Variants in NOVA1 observed in about 807,000 individuals in gnomAD.
NOVA1 encodes the protein RNA-binding protein Nova-1.
A neutral mutation model predicts 38.0 loss-of-function variants in NOVA1; 7 were observed. That is an observed-to-expected ratio of 0.18 (90% CI 0.10 to 0.35). NOVA1 has a LOEUF of 0.35. NOVA1 is among the 10% of genes least tolerant of loss of function. The probability of loss-of-function intolerance (pLI) is 1.00; values close to 1 mark genes in which losing one functional copy is unlikely to be tolerated. For missense variants in NOVA1, 460 were observed against 616.0 expected (o/e 0.75, Z 2.68); for synonymous variants, 270 against 232.5 (o/e 1.16, Z -1.47).
intron 2 of NOVA1, among the ~76,000 whole-genome samples, chr14:26,574,023 CTTTTT>C (rs780944723): frequency 1.7e-5 from 2 of 121,086 alleles, no homozygotes. Context: ...AAAGATTACA[CTTTTT>C]TTTTTTTTTT....
At chr14:26,532,159 T>C (rs901038222) in intron 2 of NOVA1, among the ~76,000 whole-genome samples, 1 of 152,200 alleles carries the variant, frequency 6.6e-6, no homozygotes, top group Non-Finnish European at 1.5e-5. Context: ...GAATATTCCA[T>C]ATGACTCAGA....
At chr14:26,596,712 C>G in intron 1 of NOVA1, 1 of 1,285,728 alleles carries the variant, frequency 7.8e-7, no homozygotes, top group Non-Finnish European at 1.0e-6. Context: ...CCCCCACCCT[C>G]GTATGCACCC....
Position 26,448,802 on chromosome 14 carries a change from A to C in NOVA1, c.681T>G (p.Pro227=). Residue 227 remains proline (P), a synonymous_variant, in exon 5 of 5, where the codon CCT becomes CCG. Coordinates refer to ENST00000539517, the MANE Select transcript of NOVA1 (RefSeq NM_002515.3). The surrounding 1 kb of genome is among the most constrained non-coding windows in gnomAD (Gnocchi z 5.3). ...QERVVTVSGE[P]EQNRKAVELI... ...GTTCAACAGCTTTTCGGTTTTGTTC[A>C]GGTTCTCCACTCACAGTGACAACCC... 6.2e-7 allele frequency: 1 copy of C among 1,614,122 alleles called. No individual in the cohort carries two copies. Among genetic ancestry groups the C allele is most frequent in the South Asian group, 1.1e-5 (1 of 91,080 alleles).
Position 26,508,555 on chromosome 14 carries a change from T to TACAC in NOVA1, c.281-28416_281-28413dup, listed in dbSNP as rs34063277. Among the ~76,000 whole-genome samples the TACAC allele has an allele frequency of 6.5e-3, 962 of 149,024 alleles. 5 individuals are homozygous for TACAC. Among genetic ancestry groups the TACAC allele is most frequent in the South Asian group, 0.019 (89 of 4,700 alleles). ...CCAAGAGAAATTTTTCACATGTACATACACACACACACACACACACACCAT... is the reference window on the plus strand; with the variant it reads ...CCAAGAGAAATTTTTCACATGTACATACACACACACACACACACACACACACCAT... On this transcript the variant is annotated intron_variant, in intron 2 of 4. Transcript: ENST00000539517.
At chr14:26,482,359 G>T (rs1566463868) in intron 2 of NOVA1, among the ~76,000 whole-genome samples, 1 of 152,226 alleles carries the variant, frequency 6.6e-6, no homozygotes, top group East Asian at 1.9e-4. Flanking sequence ...ATCCTCAGAA[G>T]AGATGCTATC....
chr14:26,573,685 G>A (rs1014220740), intron 2 of NOVA1, among the ~76,000 whole-genome samples: 1 of 152,122 alleles, frequency 6.6e-6, no homozygotes, highest in African/African-American at 2.4e-5. Flanking sequence ...CCTTAAAGAT[G>A]ACCTAAATAA....
intron 4 of NOVA1, among the ~76,000 whole-genome samples, chr14:26,459,294 T>C (rs916900930): frequency 2.0e-5 from 3 of 152,148 alleles, no homozygotes; most frequent in Non-Finnish European, 4.4e-5. Context: ...TTTTGATACA[T>C]TTAGATATAC....
At chr14:26,472,522 A>C (rs1884667512) in intron 3 of NOVA1, 131 bp from the exon 4 acceptor site, 6 of 438,774 alleles carry the variant, frequency 1.4e-5, no homozygotes, top group Middle Eastern at 1.2e-3. Context: ...TCTCCTATTC[A>C]TTTGAATTTA....
At chr14:26,597,227 G>C in intron 1 of NOVA1, 74 bp downstream of exon 1, 1 of 1,131,578 alleles carries the variant, frequency 8.8e-7, no homozygotes, top group Non-Finnish European at 1.1e-6. Context: ...AGGAGGGAGG[G>C]AGGACGGCGA....
intron 2 of NOVA1, among the ~76,000 whole-genome samples, chr14:26,576,367 G>A (rs947033997): frequency 1.3e-5 from 2 of 151,198 alleles, no homozygotes; most frequent in South Asian, 2.1e-4. Context: ...GATTATAAAT[G>A]AACTCTATCA....
chr14:26,536,528 A>T (rs1890110334), intron 2 of NOVA1, among the ~76,000 whole-genome samples: 1 of 152,016 alleles, frequency 6.6e-6, no homozygotes, highest in East Asian at 1.9e-4. Context: ...ATTAAAAAAA[A>T]TTTAAAAAGA....
At chr14:26,517,612 C>A (rs1888566922) in intron 2 of NOVA1, among the ~76,000 whole-genome samples, 1 of 152,026 alleles carries the variant, frequency 6.6e-6, no homozygotes, top group Non-Finnish European at 1.5e-5. Flanking sequence ...ACTAAATGGA[C>A]TATGTACTTT....
At chr14:26,528,424 G>A (rs1278252750) in intron 2 of NOVA1, among the ~76,000 whole-genome samples, 1 of 152,020 alleles carries the variant, frequency 6.6e-6, no homozygotes, top group East Asian at 1.9e-4. Flanking sequence ...AGCCATGTAG[G>A]GCCAACTCCA....
chr14:26,586,521 A>C (rs912936951), intron 2 of NOVA1, among the ~76,000 whole-genome samples: 5 of 151,312 alleles, frequency 3.3e-5, no homozygotes, highest in African/African-American at 1.2e-4. Flanking sequence ...AAAAACATGA[A>C]AAATACATAT....
In NOVA1 at chr14:26,512,150, C is replaced by T. The variant is rs867763114; in HGVS notation, c.281-32007G>A. On this transcript the variant is annotated intron_variant, in intron 2 of 4. Coordinates refer to ENST00000539517, the MANE Select transcript of NOVA1 (RefSeq NM_002515.3). ...TGCTTGAATAAGAGTATATATTTTG[C>T]TTTAAATCTGTCTCACTGAAAAGCT... Among the ~76,000 whole-genome samples the T allele has an allele frequency of 4.4e-4, 67 of 152,168 alleles. 2 individuals are homozygous for T. Among genetic ancestry groups the T allele is most frequent in the South Asian group, 8.3e-4 (4 of 4,824 alleles).
At position 26,558,632 on chromosome 14, in the gene NOVA1, T is replaced by A. The variant is rs1891635431; in HGVS notation, c.280+36778A>T. On this transcript the variant is annotated intron_variant, in intron 2 of 4. Coordinates refer to ENST00000539517, the MANE Select transcript of NOVA1 (RefSeq NM_002515.3). ...CTGTTTTCTCAGTAATAGTCAATAATCCATGACATACTCTATGACAAACTA... is the reference window on the plus strand; with the variant it reads ...CTGTTTTCTCAGTAATAGTCAATAAACCATGACATACTCTATGACAAACTA... Among the ~76,000 whole-genome samples the A allele has an allele frequency of 2.0e-5, 3 of 152,064 alleles. No individual in the cohort carries two copies. In the South Asian group the frequency reaches 6.2e-4, roughly 32 times the overall value.
At chr14:26,481,988 TAAAAAA>T (rs372806170) in intron 2 of NOVA1, among the ~76,000 whole-genome samples, 5 of 105,962 alleles carry the variant, frequency 4.7e-5, no homozygotes, top group African/African-American at 1.5e-4. Context: ...TAGATAGAGA[TAAAAAA>T]AAAAAAAAAA....
intron 2 of NOVA1, among the ~76,000 whole-genome samples, chr14:26,554,283 G>A (rs1891348284): frequency 6.6e-6 from 1 of 151,952 alleles, no homozygotes; most frequent in African/African-American, 2.4e-5. Context: ...ACTTACATAA[G>A]AAAGCCTTTT....
chr14:26,570,767 T>C, intron 2 of NOVA1, among the ~76,000 whole-genome samples: 1 of 152,156 alleles, frequency 6.6e-6, no homozygotes. Flanking sequence ...AATACTGTAA[T>C]ATGCTGAAGC....
Sources: gnomAD v4.1 joint callset for allele counts (sites outside exome capture counted in the v4.1 genomes callset) on GRCh38, gnomAD v4.1.1 for gene constraint, Gnocchi (gnomAD v3.1) non-coding constraint, MANE v1.5 for transcripts, NCBI Gene and HGNC (gene_info 2026-07-23, HGNC 2026-07-21) for gene names.